Variants in UBA3 observed in about 807,000 individuals in gnomAD.
The protein encoded by UBA3 is NEDD8-activating enzyme E1 catalytic subunit.
UBA3 carries 26 observed loss-of-function variants against 73.5 expected under a neutral mutation model. The observed-to-expected ratio is 0.35, with a 90% CI of 0.26 to 0.49. UBA3 has a LOEUF of 0.49. UBA3 is among the 20% of genes least tolerant of loss of function. The pLI, the probability that UBA3 is intolerant of heterozygous loss-of-function variation, is 0.98. For synonymous variants in UBA3, 217 were observed against 191.2 expected, an observed-to-expected ratio of 1.13 and a Z score of -1.11; for missense variants, 495 against 555.6, an observed-to-expected ratio of 0.89 and a Z score of 1.10.
chr3:69,080,340 T>G lies in UBA3; in HGVS notation c.14A>C (p.Glu5Ala). 6.3e-7 allele frequency: 1 copy of G among 1,590,540 alleles called. No individual in the cohort carries two copies. The highest frequency in any genetic ancestry group is 2.3e-5 in the East Asian group (1 of 43,324). MADG[E>A]EPEKKRRRIE... Reference sequence around the variant, plus strand: ...GCAGAGCCCCGGTACTTACGGCTCCTCGCCATCCGCCATATTGTTCTCCGC... The same window carrying G: ...GCAGAGCCCCGGTACTTACGGCTCCGCGCCATCCGCCATATTGTTCTCCGC... The change falls in exon 1 of 18, where the codon GAG becomes GCG. Residue 5 changes from glutamate (E) to alanine (A), a missense_variant. By Grantham distance (107) the Glu-to-Ala change is moderately radical. Coordinates refer to ENST00000361055, the MANE Select transcript of UBA3 (RefSeq NM_003968.4).
At chr3:69,064,306 C>A (rs891882911) in intron 6 of UBA3, among the ~76,000 whole-genome samples, 195 bp from the exon 7 acceptor site, 6 of 152,186 alleles carry the variant, frequency 3.9e-5, no homozygotes, top group African/African-American at 1.4e-4. Context: ...CATTCCTCCC[C>A]TAACTACTTA....
At chr3:69,071,514 C>G (rs750321188) in intron 5 of UBA3, 21 bp downstream of exon 5, 8 of 1,338,860 alleles carry the variant, frequency 6.0e-6, no homozygotes, top group Non-Finnish European at 8.3e-6. Flanking sequence ...AAAAGAAAAC[C>G]GCTAAGATAT....
chr3:69,066,755 C>T (rs974479462), intron 6 of UBA3, among the ~76,000 whole-genome samples: 6 of 152,132 alleles, frequency 3.9e-5, no homozygotes, highest in Admixed American at 3.3e-4. Flanking sequence ...ATATTTACAC[C>T]TATAATCCAT....
intron 6 of UBA3, among the ~76,000 whole-genome samples, chr3:69,065,782 G>C (rs2092065185): frequency 6.6e-6 from 1 of 151,568 alleles, no homozygotes; most frequent in Non-Finnish European, 1.5e-5. Context: ...TATATAAACA[G>C]AATCATGCAG....
chr3:69,068,105 C>T, intron 5 of UBA3, 97 bp from the exon 6 acceptor site: 1 of 804,722 alleles, frequency 1.2e-6, no homozygotes, highest in Non-Finnish European at 1.8e-6. Flanking sequence ...AGTAAGTTTA[C>T]TTATAGGAAA....
chr3:69,077,758 AAAC>A (rs1559648576), intron 3 of UBA3, 37 bp downstream of exon 3: 1 of 1,551,854 alleles, frequency 6.4e-7, no homozygotes, highest in Admixed American at 1.9e-5. Flanking sequence ...TTGAAACATA[AAAC>A]TATTAGAGCA....
At chr3:69,061,017 A>T (rs546363400) in intron 11 of UBA3, among the ~76,000 whole-genome samples, 6 of 152,344 alleles carry the variant, frequency 3.9e-5, no homozygotes, top group African/African-American at 1.4e-4. Flanking sequence ...AGTTTCAGAT[A>T]TTCCTTTATA....
At chr3:69,075,151 G>C (rs1575847011) in intron 4 of UBA3, 1 of 164,420 alleles carries the variant, frequency 6.1e-6, no homozygotes, top group South Asian at 2.0e-4. Flanking sequence ...GGAGCGTTTT[G>C]CCAGAGGAAG....
At chr3:69,075,024 G>A (rs1267338902) in intron 4 of UBA3, 2 of 153,112 alleles carry the variant, frequency 1.3e-5, no homozygotes, top group Non-Finnish European at 1.5e-5. Context: ...TATAAAATGG[G>A]GTAATGCCTT....
In UBA3 at chr3:69,075,344, G is replaced by A. The variant is rs796388805; in HGVS notation, c.264+86C>T. 14 of 590,962 alleles carry A rather than the reference G, an allele frequency of 2.4e-5. 1 individual carries two copies. Among genetic ancestry groups the A allele is most frequent in the Middle Eastern group, 6.0e-4 (1 of 1,660 alleles). 36.6% of individuals were successfully genotyped at this position (590,962 alleles called of 1,614,324 possible). On this transcript the variant is annotated intron_variant, in intron 4 of 17. Transcript: ENST00000361055. ...CTCAAGAGAAAAGGTTAAGAATCAC[G>A]AGAAATTCCCTAGTATGACAGATAA...
At chr3:69,077,027 C>CAAA (rs138831521) in intron 3 of UBA3, among the ~76,000 whole-genome samples, 1 of 138,870 alleles carries the variant, frequency 7.2e-6, no homozygotes, top group Non-Finnish European at 1.6e-5. Flanking sequence ...AATTATCAGG[C>CAAA]AAAAAAAAAA....
At chr3:69,062,874 A>C in intron 9 of UBA3, 108 bp downstream of exon 9, 1 of 1,358,256 alleles carries the variant, frequency 7.4e-7, no homozygotes, top group Non-Finnish European at 1.0e-6. Flanking sequence ...AATTTTTAAA[A>C]TACGGCCACT....
intron 11 of UBA3, among the ~76,000 whole-genome samples, chr3:69,060,777 C>T (rs1397896746): frequency 2.0e-5 from 3 of 152,114 alleles, no homozygotes; most frequent in Admixed American, 1.3e-4. Context: ...GGCTTGGTGC[C>T]CTCCCTGTGA....
chr3:69,062,825 A>G (rs1575834110), intron 9 of UBA3, among the ~76,000 whole-genome samples, 157 bp downstream of exon 9: 1 of 152,246 alleles, frequency 6.6e-6, no homozygotes, highest in Admixed American at 6.5e-5. Flanking sequence ...CTTTCCTCAA[A>G]TAGAGCAGAA....
chr3:69,064,027 C>A (rs1416571065), intron 7 of UBA3, 41 bp downstream of exon 7: 3 of 1,544,638 alleles, frequency 1.9e-6, no homozygotes, highest in East Asian at 4.7e-5. Context: ...CTAAAAAATT[C>A]TAAGAATCTA....
At position 69,062,125 on chromosome 3, in the gene UBA3, T is replaced by G; in HGVS notation, c.748A>C (p.Ile250Leu). 6.2e-7 allele frequency: 1 copy of G among 1,613,852 alleles called. No individual in the cohort carries two copies. Among genetic ancestry groups the G allele is most frequent in the South Asian group, 1.1e-5 (1 of 91,024 alleles). Residue 250 changes from isoleucine to leucine, a missense_variant, in exon 10 of 18, where the codon ATT becomes CTT. Transcript: ENST00000361055. ...CACTGCAACATCCTTACATACTCAATACAGTGTTCTGGTAGCCTGGGCATA... is the reference window on the plus strand; with the variant it reads ...CACTGCAACATCCTTACATACTCAAGACAGTGTTCTGGTAGCCTGGGCATA... ...ASMPRLPEHCIEYVRMLQWPK... is the reference protein window; with the variant it reads ...ASMPRLPEHCLEYVRMLQWPK...
chr3:69,058,255 C>A (rs545059431), intron 11 of UBA3, among the ~76,000 whole-genome samples: 63 of 152,236 alleles, frequency 4.1e-4, no homozygotes, highest in African/African-American at 1.5e-3. Flanking sequence ...CAAAGCCTCA[C>A]CTTAAACCAT....
intron 4 of UBA3, among the ~76,000 whole-genome samples, chr3:69,074,369 G>T (rs1304178768): frequency 1.3e-5 from 2 of 152,040 alleles, no homozygotes; most frequent in Non-Finnish European, 2.9e-5. Context: ...TTTATTTCAT[G>T]TGAGATTTAT....
chr3:69,064,361 T>G (rs1201079915), intron 6 of UBA3, among the ~76,000 whole-genome samples: 1 of 152,190 alleles, frequency 6.6e-6, no homozygotes, highest in Non-Finnish European at 1.5e-5. Flanking sequence ...TTTATGCCCT[T>G]GGTAGGAGGT....
Sources: allele counts gnomAD v4.1 joint callset (sites outside exome capture counted in the v4.1 genomes callset), GRCh38; gene constraint gnomAD v4.1.1; transcripts MANE v1.5; gene names NCBI Gene and HGNC (gene_info 2026-07-23, HGNC 2026-07-21).